Variants in NCOR2 observed in about 807,000 individuals in gnomAD.
NCOR2 encodes CTG repeat protein 26.
Under a neutral mutation model 262.9 loss-of-function variants are expected in NCOR2, and 81 were observed. That is an observed-to-expected ratio of 0.31 (90% CI 0.26 to 0.37). The LOEUF is 0.37. Among genes scored for constraint, NCOR2 ranks in the 10% least tolerant of loss-of-function variants. The pLI is 1.00. For synonymous variants in NCOR2, 1,659 were observed against 1,559.3 expected (o/e 1.06, Z -1.51); for missense variants, 3,385 against 3,621.4 (o/e 0.93, Z 1.68).
chr12:124,372,224 C>T (rs201072300), exon 20 of NCOR2: 2 of 1,601,120 alleles, frequency 1.2e-6, no homozygotes, highest in African/African-American at 1.3e-5. Flanking sequence ...TCCTCGGCTT[C>T]CTCCGTGCAC....
intron 20 of NCOR2, among the ~76,000 whole-genome samples, chr12:124,370,018 G>A (rs75730742): frequency 0.021 from 3,143 of 152,262 alleles, 130 homozygotes; most frequent in African/African-American, 0.072. Flanking sequence ...TGACCTCAGC[G>A]GTCCCCCGGC....
chr12:124,456,834 G>A lies in NCOR2; in HGVS notation c.762+272C>T, dbSNP rs538114189. On this transcript the variant is annotated intron_variant, in intron 6 of 46. Coordinates refer to ENST00000405201, the Ensembl canonical transcript of NCOR2. The stretch of plus-strand genomic sequence containing the variant: ...GACTCTCCTCACAGCCCGAGCGGCC[G>A]GGCTTCACGGTATGCACAGGAGTGC... Among the ~76,000 whole-genome samples the A allele has an allele frequency of 2.6e-5, 4 of 152,312 alleles. No homozygotes were observed. In the East Asian group the frequency reaches 7.7e-4, roughly 29 times the overall value.
At chr12:124,399,168 G>A (rs888631838) in intron 15 of NCOR2, among the ~76,000 whole-genome samples, 6 of 151,990 alleles carry the variant, frequency 3.9e-5, no homozygotes, top group Non-Finnish European at 5.9e-5. Flanking sequence ...CATCAGCCCC[G>A]ACAGGCCAGA....
Position 124,523,659 on chromosome 12 carries a change from C to T in NCOR2, c.-118+11906G>A, listed in dbSNP as rs1038116607. On this transcript the variant is annotated intron_variant, in intron 1 of 46. Coordinates refer to the NCOR2 transcript ENST00000404621. The surrounding 1 kb of genome is among the most constrained non-coding windows in gnomAD (Gnocchi z 4.0). ...ACTAAAAAAAAAAAAAACAAAAAAC[C>T]GAAAAACAATCTGTTTTAAGAAAGT... 4.1e-4 allele frequency among the ~76,000 whole-genome samples: 61 copies of T among 149,596 alleles called. No individual in the cohort carries two copies. Among genetic ancestry groups the T allele is most frequent in the Non-Finnish European group, 1.2e-4 (8 of 67,410 alleles).
chr12:124,542,201 C>T (rs1456704167), intron 1 of NCOR2, among the ~76,000 whole-genome samples: 1 of 152,012 alleles, frequency 6.6e-6, no homozygotes, highest in East Asian at 1.9e-4. Flanking sequence ...GCCTTTCCCA[C>T]CAGACCTGCA....
Position 124,344,891 on chromosome 12 carries a change from G to A in NCOR2, c.4420C>T (p.Arg1474Cys), listed in dbSNP as rs926308556. The A allele has an allele frequency of 1.1e-5, 17 of 1,581,464 alleles. No individual in the cohort carries two copies. Among genetic ancestry groups the A allele is most frequent in the South Asian group, 3.5e-5 (3 of 86,426 alleles). The stretch of plus-strand genomic sequence containing the variant: ...CGGCCGGGGCTGCCGATGAGGGAGC[G>A]TACGTCGTGCTTTTTGGAGCCAGTG... Residue 1474 changes from arginine (R) to cysteine (C), a missense_variant, in exon 32 of 47, where the codon CGC (arginine) becomes TGC (cysteine). This residue lies in a region of NCOR2 where 1,615 missense variants were observed against 1,626.9 expected (regional missense o/e 0.99). Coordinates refer to ENST00000405201, the Ensembl canonical transcript of NCOR2.
chr12:124,389,405 C>A lies in NCOR2; in HGVS notation c.1877-3518G>T, dbSNP rs1357608417. Among the ~76,000 whole-genome samples, 2 of 152,214 alleles carry A rather than the reference C, an allele frequency of 1.3e-5. No homozygotes were observed. The highest frequency in any genetic ancestry group is 4.8e-5 in the African/African-American group (2 of 41,452). ...GGCAGAGGCCCAGGTTCACAAGGGGCGGGCCAACTTGGCACTGGCTCCCCC... is the reference window on the plus strand; with the variant it reads ...GGCAGAGGCCCAGGTTCACAAGGGGAGGGCCAACTTGGCACTGGCTCCCCC... On this transcript the variant is annotated intron_variant, in intron 16 of 46. Coordinates refer to ENST00000405201, the Ensembl canonical transcript of NCOR2. This position sits in a 1 kb window ranked among gnomAD's most constrained non-coding sequence, Gnocchi z 4.4.
At chr12:124,553,713 C>G (rs2051789425) in intron 1 of NCOR2, among the ~76,000 whole-genome samples, 1 of 152,178 alleles carries the variant, frequency 6.6e-6, no homozygotes, top group African/African-American at 2.4e-5. Context: ...TTTTTCTGAC[C>G]AGTCACAAAT....
chr12:124,509,064 C>T (rs915860848), intron 1 of NCOR2, among the ~76,000 whole-genome samples: 2 of 152,138 alleles, frequency 1.3e-5, no homozygotes, highest in African/African-American at 4.8e-5. Flanking sequence ...GGGACCCCAA[C>T]CTGGCCCCAT....
chr12:124,495,902 A>T (rs1379909084), upstream of NCOR2, among the ~76,000 whole-genome samples: 4 of 152,176 alleles, frequency 2.6e-5, no homozygotes, highest in African/African-American at 9.7e-5. This position sits in a 1 kb window ranked among gnomAD's most constrained non-coding sequence, Gnocchi z 4.4. Flanking sequence ...TGACACCATG[A>T]CATGGGACAG....
chr12:124,545,196 C>CA (rs1345183114), intron 1 of NCOR2, among the ~76,000 whole-genome samples: 10 of 152,064 alleles, frequency 6.6e-5, no homozygotes, highest in Non-Finnish European at 7.4e-5. Flanking sequence ...AGAAGCGGGG[C>CA]CCAGGGGGAG....
At chr12:124,348,151 T>TG (rs775433530) in intron 29 of NCOR2, 23 bp downstream of exon 31, 1 of 1,606,898 alleles carries the variant, frequency 6.2e-7, no homozygotes, top group South Asian at 1.1e-5. Flanking sequence ...CACCGAGAGA[T>TG]GAAGTCTCCT....
intron 1 of NCOR2, among the ~76,000 whole-genome samples, chr12:124,557,156 C>T (rs1319686295): frequency 1.3e-5 from 2 of 152,228 alleles, no homozygotes; most frequent in East Asian, 3.8e-4. Flanking sequence ...AGGCCTCCCC[C>T]TGGCTGCCAC....
intron 1 of NCOR2, among the ~76,000 whole-genome samples, chr12:124,546,832 C>T (rs1322914723): frequency 1.3e-5 from 2 of 152,174 alleles, no homozygotes; most frequent in East Asian, 1.9e-4. Context: ...ACTCTGCAGA[C>T]GGTCCTGCCT....
intron 5 of NCOR2, among the ~76,000 whole-genome samples, chr12:124,463,116 C>T (rs1195721288): frequency 2.0e-5 from 3 of 152,236 alleles, no homozygotes; most frequent in Non-Finnish European, 4.4e-5. Flanking sequence ...GTACCAGCAA[C>T]CTGTGCTGCA....
At chr12:124,335,264 G>T in exon 40 of NCOR2, 1 of 1,603,194 alleles carries the variant, frequency 6.2e-7, no homozygotes. Context: ...CGGCCTCCCC[G>T]CCAAGCTTCA....
At chr12:124,386,084 T>C (rs1023182410) in intron 16 of NCOR2, among the ~76,000 whole-genome samples, 197 bp from the exon 19 acceptor site, 4 of 152,058 alleles carry the variant, frequency 2.6e-5, no homozygotes, top group Non-Finnish European at 5.9e-5. Flanking sequence ...AGGGTGGCAG[T>C]CCTGGCCTCT....
In NCOR2 at chr12:124,414,136, G is replaced by A. The variant is rs183395244; in HGVS notation, c.1482+5821C>T. Among the ~76,000 whole-genome samples, 3 of 152,332 alleles carry A rather than the reference G, an allele frequency of 2.0e-5. No homozygotes were observed. The East Asian group carries it at 5.8e-4, about 29-fold the overall frequency. ...CCTGGCGGATCAGGGCTGGCTTCCA[G>A]AAGGCTGGCTTTATGGCCAGTGTGC... is the stretch of plus-strand genomic sequence containing the variant. On this transcript the variant is annotated intron_variant, in intron 13 of 46. Transcript: ENST00000405201.
At chr12:124,492,517 G>A (rs938963126) in intron 1 of NCOR2, among the ~76,000 whole-genome samples, 2 of 152,104 alleles carry the variant, frequency 1.3e-5, no homozygotes, top group African/African-American at 2.4e-5. Context: ...ATGCGTGGAG[G>A]TGACCTGAAT....
Sources: gnomAD v4.1 joint callset for allele counts (sites outside exome capture counted in the v4.1 genomes callset) on GRCh38, gnomAD v4.1.1 for gene constraint, gnomAD v4.1.1 regional missense constraint, Gnocchi (gnomAD v3.1) non-coding constraint, MANE v1.5 for transcripts, NCBI Gene and HGNC (gene_info 2026-07-23, HGNC 2026-07-21) for gene names.